Variants in ARHGAP22 observed in about 807,000 individuals in gnomAD.
ARHGAP22 encodes the protein Rho GTPase activating protein 22, also known as rho GTPase-activating protein 22.
In ARHGAP22, 48 loss-of-function variants were observed where a neutral mutation model predicts 59.1. The observed-to-expected ratio is 0.81, with a 90% CI of 0.64 to 1.03. The LOEUF (loss-of-function observed/expected upper bound fraction) is 1.03. Among genes scored for constraint, ARHGAP22 ranks in the 50% least tolerant of loss-of-function variants. The pLI is 0.00. For missense variants in ARHGAP22, 1,015 were observed against 958.7 expected (o/e 1.06, Z -0.78); for synonymous variants, 445 against 416.4 (o/e 1.07, Z -0.84).
intron 2 of ARHGAP22, among the ~76,000 whole-genome samples, chr10:48,566,896 C>G (rs918296198): frequency 1.3e-5 from 2 of 152,224 alleles, no homozygotes; most frequent in Admixed American, 6.5e-5. Flanking sequence ...CAGCTCAGGC[C>G]CTGAGCCTGT....
At chr10:48,586,921 T>C (rs1000347295) in intron 1 of ARHGAP22, among the ~76,000 whole-genome samples, 10 of 152,124 alleles carry the variant, frequency 6.6e-5, no homozygotes, top group African/African-American at 2.4e-4. Flanking sequence ...TCCCTCTCCA[T>C]AGGAGCCCCA....
chr10:48,509,665 G>A (rs1013199866), intron 3 of ARHGAP22, among the ~76,000 whole-genome samples: 2 of 152,018 alleles, frequency 1.3e-5, no homozygotes, highest in Non-Finnish European at 2.9e-5. Context: ...GGCCCTCCCC[G>A]CACAGCCCCA....
intron 3 of ARHGAP22, chr10:48,546,727 G>A (rs1343502488): frequency 6.5e-6 from 1 of 154,336 alleles, no homozygotes; most frequent in Non-Finnish European, 1.5e-5. Context: ...TGAAGCTAAA[G>A]ATAAAAGTGT....
chr10:48,481,971 T>C (rs1048592439), intron 3 of ARHGAP22, among the ~76,000 whole-genome samples: 13 of 152,218 alleles, frequency 8.5e-5, no homozygotes, highest in Non-Finnish European at 1.8e-4. Context: ...TTTTCCATTA[T>C]TGGTGTTGAG....
chr10:48,559,646 T>C (rs2057555924), intron 2 of ARHGAP22, among the ~76,000 whole-genome samples: 1 of 152,244 alleles, frequency 6.6e-6, no homozygotes, highest in African/African-American at 2.4e-5. Context: ...TGGAGAATCT[T>C]ATGACATATT....
intron 3 of ARHGAP22, among the ~76,000 whole-genome samples, chr10:48,507,316 G>A (rs2052248624): frequency 6.6e-6 from 1 of 152,188 alleles, no homozygotes; most frequent in South Asian, 2.1e-4. Flanking sequence ...ACTGACCTTC[G>A]AGGGCCTTAC....
chr10:48,595,239 A>G (rs890815858), intron 1 of ARHGAP22, among the ~76,000 whole-genome samples: 4 of 152,204 alleles, frequency 2.6e-5, no homozygotes, highest in Non-Finnish European at 5.9e-5. Context: ...CCGGGCTGGG[A>G]AAAGAGCAAA....
intron 3 of ARHGAP22, among the ~76,000 whole-genome samples, chr10:48,505,632 C>T: frequency 6.6e-6 from 1 of 152,148 alleles, no homozygotes; most frequent in African/African-American, 2.4e-5. Context: ...ACCTGGCTGG[C>T]CATTCCCAGT....
At chr10:48,442,682 C>T (rs2045231382), downstream of ARHGAP22, among the ~76,000 whole-genome samples, 1 of 152,150 alleles carries the variant, frequency 6.6e-6, no homozygotes, top group Admixed American at 6.5e-5. Flanking sequence ...TCCCTTGTCT[C>T]CTTTTACCAC....
chr10:48,592,972 T>C (rs1282961036), intron 1 of ARHGAP22, among the ~76,000 whole-genome samples: 6 of 152,258 alleles, frequency 3.9e-5, no homozygotes, highest in South Asian at 2.1e-4. Context: ...GATCTGACAC[T>C]ATGGCCTATG....
At chr10:48,503,067 A>C (rs1311364494) in intron 3 of ARHGAP22, among the ~76,000 whole-genome samples, 1 of 152,264 alleles carries the variant, frequency 6.6e-6, no homozygotes, top group African/African-American at 2.4e-5. Flanking sequence ...ACCTTGGAGA[A>C]GCCAGGACTT....
Position 48,491,636 on chromosome 10 carries a change from G to A in ARHGAP22, c.323-11872C>T, listed in dbSNP as rs77707871. ...CACGCACTGAGCCTGAGATGAATAG[G>A]AGGTTAGTGAGGGCGGCAGCGGCAG... On this transcript the variant is annotated intron_variant, in intron 3 of 9. Coordinates refer to ENST00000249601, the MANE Select transcript of ARHGAP22 (RefSeq NM_021226.4). Among the ~76,000 whole-genome samples, 1,277 of 152,394 alleles carry A rather than the reference G, an allele frequency of 8.4e-3. 20 individuals carry two copies. The highest frequency in any genetic ancestry group is 0.029 in the African/African-American group (1,226 of 41,592).
chr10:48,555,944 G>C (rs2057279987), intron 2 of ARHGAP22, among the ~76,000 whole-genome samples: 1 of 152,184 alleles, frequency 6.6e-6, no homozygotes, highest in Non-Finnish European at 1.5e-5. Context: ...GCAACATGGG[G>C]GAAAGGATCA....
intron 1 of ARHGAP22, among the ~76,000 whole-genome samples, chr10:48,622,253 A>AT (rs1251733320): frequency 1.3e-5 from 2 of 149,942 alleles, no homozygotes; most frequent in African/African-American, 4.9e-5. Flanking sequence ...ATAAAAAGAC[A>AT]TTTTCTGTCA....
intron 2 of ARHGAP22, among the ~76,000 whole-genome samples, chr10:48,568,490 G>A (rs1022625576): frequency 3.2e-4 from 48 of 152,230 alleles, no homozygotes; most frequent in African/African-American, 1.2e-3. Context: ...GGCTGCCCAC[G>A]GCATTTGGTG....
the ARHGAP22 span, among the ~76,000 whole-genome samples, chr10:48,434,167 A>T: frequency 0.46 from 69,177 of 151,952 alleles, 15,943 homozygotes; most frequent in South Asian, 0.57. Context: ...GGCAAAGGAA[A>T]CTGTTTGCTC....
chr10:48,463,298 C>T (rs1320869393), intron 4 of ARHGAP22, among the ~76,000 whole-genome samples: 6 of 152,236 alleles, frequency 3.9e-5, no homozygotes, highest in Non-Finnish European at 8.8e-5. Context: ...TCTGCTTTGA[C>T]CTCTGGGGCA....
intron 1 of ARHGAP22, among the ~76,000 whole-genome samples, chr10:48,603,025 A>G (rs887932696): frequency 2.0e-5 from 3 of 152,220 alleles, no homozygotes; most frequent in African/African-American, 7.2e-5. Flanking sequence ...GGAAAGAACG[A>G]TGTGCAAAAG....
chr10:48,477,135 C>T (rs2048831621), intron 4 of ARHGAP22, among the ~76,000 whole-genome samples: 1 of 152,186 alleles, frequency 6.6e-6, no homozygotes, highest in Non-Finnish European at 1.5e-5. Flanking sequence ...CCATCTTAAC[C>T]TCTTCCCTCC....
Sources: allele counts gnomAD v4.1 joint callset (sites outside exome capture counted in the v4.1 genomes callset), GRCh38; gene constraint gnomAD v4.1.1; transcripts MANE v1.5; gene names NCBI Gene and HGNC (gene_info 2026-07-23, HGNC 2026-07-21).